Variants in CPA6 observed in about 807,000 individuals in gnomAD.
CPA6 encodes the protein carboxypeptidase A6.
A neutral mutation model predicts 63.3 loss-of-function variants in CPA6; 58 were observed. The ratio of observed to expected loss-of-function variants is 0.92; its 90% CI spans 0.74 to 1.14. The LOEUF (loss-of-function observed/expected upper bound fraction) is 1.14. Ranked by LOEUF, CPA6 falls within the 50% of genes most tolerant of loss-of-function variation. CPA6 has a pLI of 0.00. For synonymous variants in CPA6, 185 were observed against 179.0 expected (o/e 1.03, Z -0.27); for missense variants, 565 against 526.6 (o/e 1.07, Z -0.71).
intron 2 of CPA6, among the ~76,000 whole-genome samples, chr8:67,616,314 GATCACT>G (rs1480577694): frequency 6.6e-6 from 1 of 152,154 alleles, no homozygotes; most frequent in Non-Finnish European, 1.5e-5. Context: ...ATTTCAGAAA[GATCACT>G]CTGACTACAG....
At chr8:67,478,276 C>T (rs928305777) in intron 8 of CPA6, among the ~76,000 whole-genome samples, 10 of 152,146 alleles carry the variant, frequency 6.6e-5, no homozygotes, top group Non-Finnish European at 1.3e-4. Context: ...GCTTTCATGC[C>T]CTTCCCACAT....
chr8:67,528,097 T>C (rs1423919777), intron 2 of CPA6, among the ~76,000 whole-genome samples: 2 of 152,218 alleles, frequency 1.3e-5, no homozygotes, highest in African/African-American at 4.8e-5. Flanking sequence ...TTGAGCTAAG[T>C]GCTGAGGGTA....
chr8:67,566,191 T>C (rs185286737), intron 2 of CPA6, among the ~76,000 whole-genome samples: 2 of 152,352 alleles, frequency 1.3e-5, no homozygotes, highest in Middle Eastern at 3.4e-3. Context: ...TATTAGTCAT[T>C]AGTTTTCCTG....
intron 1 of CPA6, among the ~76,000 whole-genome samples, chr8:67,720,953 A>G (rs897753203): frequency 2.0e-5 from 3 of 152,204 alleles, no homozygotes; most frequent in African/African-American, 7.2e-5. Flanking sequence ...GGCACCACAT[A>G]ATACTGTTAC....
chr8:67,556,640 G>A (rs1172241126), intron 2 of CPA6, among the ~76,000 whole-genome samples: 10 of 152,132 alleles, frequency 6.6e-5, no homozygotes, highest in Non-Finnish European at 1.3e-4. Flanking sequence ...TGACACATAC[G>A]AAAGCACCCC....
rs968641612 is a variant in CPA6 at position 67,592,704 on chromosome 8, G to A, written c.192+31472C>T. Among the ~76,000 whole-genome samples, 4 of 152,250 alleles carry A rather than the reference G, an allele frequency of 2.6e-5. 1 individual carries two copies. Among genetic ancestry groups the A allele is most frequent in the African/African-American group, 9.6e-5 (4 of 41,536 alleles). On this transcript the variant is annotated intron_variant, in intron 2 of 10. Coordinates refer to ENST00000297770, the MANE Select transcript of CPA6 (RefSeq NM_020361.5). ...GTGTTTGTAGTATTCTCTGATGGTA[G>A]TTTGTATTTCAGTGGGATTGGTGAT...
intron 1 of CPA6, among the ~76,000 whole-genome samples, chr8:67,730,376 C>T (rs1161142176): frequency 6.6e-6 from 1 of 152,200 alleles, no homozygotes; most frequent in Non-Finnish European, 1.5e-5. Context: ...CCCAGAACTT[C>T]CAGACCCTCT....
At chr8:67,472,367 GATTT>G (rs945848027) in intron 8 of CPA6, among the ~76,000 whole-genome samples, 1 of 111,860 alleles carries the variant, frequency 8.9e-6, no homozygotes, top group East Asian at 2.4e-4. Context: ...ATTTGTAAAA[GATTT>G]ATTTTTTTAT....
At chr8:67,611,170 C>A (rs11782071) in intron 2 of CPA6, among the ~76,000 whole-genome samples, 36,055 of 151,792 alleles carry the variant, frequency 0.24, 5,577 homozygotes, top group Non-Finnish European at 0.35. Context: ...GCAACCTCCA[C>A]CTCCCAGGTT....
chr8:67,570,107 T>G (rs1813448900), intron 2 of CPA6: 1 of 152,410 alleles, frequency 6.6e-6, no homozygotes, highest in Non-Finnish European at 1.5e-5. Context: ...AACTTTTTTT[T>G]TTCGGTGTTT....
At chr8:67,614,015 T>C (rs1814877075) in intron 2 of CPA6, among the ~76,000 whole-genome samples, 1 of 152,054 alleles carries the variant, frequency 6.6e-6, no homozygotes, top group African/African-American at 2.4e-5. Flanking sequence ...CACCACTCAA[T>C]AAAACCTTGC....
In CPA6 at chr8:67,522,897, G is replaced by A. The variant is rs542484368; in HGVS notation, c.193-4850C>T. On this transcript the variant is annotated intron_variant, in intron 2 of 10. Coordinates refer to ENST00000297770, the MANE Select transcript of CPA6 (RefSeq NM_020361.5). Reference sequence around the variant, plus strand: ...GCTGAGTGGGTGGAGTGGGCCTGGCGGCCTGAGTGAGACCTTGGGCAGAGG... The same window carrying A: ...GCTGAGTGGGTGGAGTGGGCCTGGCAGCCTGAGTGAGACCTTGGGCAGAGG... Among the ~76,000 whole-genome samples, 66 of 152,354 alleles carry A rather than the reference G, an allele frequency of 4.3e-4. 1 individual carries two copies. The highest frequency in any genetic ancestry group is 1.5e-3 in the African/African-American group (61 of 41,584).
intron 1 of CPA6, among the ~76,000 whole-genome samples, chr8:67,634,322 C>T (rs1815419659): frequency 6.7e-6 from 1 of 150,188 alleles, no homozygotes; most frequent in East Asian, 1.9e-4. Flanking sequence ...CGCATTCTCG[C>T]ATTCTCCTGC....
chr8:67,559,327 A>G (rs987276555), intron 2 of CPA6, among the ~76,000 whole-genome samples: 1 of 152,112 alleles, frequency 6.6e-6, no homozygotes, highest in African/African-American at 2.4e-5. Flanking sequence ...ACTTCTACCA[A>G]TGAAAGCATT....
At chr8:67,676,295 G>A (rs935246381) in intron 1 of CPA6, among the ~76,000 whole-genome samples, 2 of 152,218 alleles carry the variant, frequency 1.3e-5, no homozygotes, top group Admixed American at 6.5e-5. Context: ...ATCCAACAGA[G>A]CCTGCATTTG....
chr8:67,566,785 A>C (rs907040481), intron 2 of CPA6, among the ~76,000 whole-genome samples: 5 of 152,198 alleles, frequency 3.3e-5, no homozygotes, highest in Admixed American at 6.5e-5. Flanking sequence ...AAGCACAGGG[A>C]ATGTGTAGAT....
At chr8:67,651,794 A>G (rs1940462287) in intron 1 of CPA6, among the ~76,000 whole-genome samples, 1 of 152,018 alleles carries the variant, frequency 6.6e-6, no homozygotes, top group African/African-American at 2.4e-5. Context: ...CACATTGTGC[A>G]GGTTAGTTAC....
In CPA6 at chr8:67,571,215, G is replaced by A. The variant is rs541027786; in HGVS notation, c.192+52961C>T. On this transcript the variant is annotated intron_variant, in intron 2 of 10. Coordinates refer to ENST00000297770, the MANE Select transcript of CPA6 (RefSeq NM_020361.5). ...CTAAATATATAAAGCAAATATTAAC[G>A]GATCTGAAGGGAGAGAGAGATTGCC... is the stretch of plus-strand genomic sequence containing the variant. 5.9e-5 allele frequency among the ~76,000 whole-genome samples: 9 copies of A among 152,172 alleles called. No homozygotes were observed. In the East Asian group the frequency reaches 1.2e-3, roughly 20 times the overall value.
intron 1 of CPA6, among the ~76,000 whole-genome samples, chr8:67,672,037 C>A (rs1310196744): frequency 6.6e-6 from 1 of 152,014 alleles, no homozygotes; most frequent in East Asian, 1.9e-4. Flanking sequence ...ACCATATTGG[C>A]CAGGCTGGTC....
Sources: gnomAD v4.1 joint callset for allele counts (sites outside exome capture counted in the v4.1 genomes callset) on GRCh38, gnomAD v4.1.1 for gene constraint, MANE v1.5 for transcripts, NCBI Gene and HGNC (gene_info 2026-07-23, HGNC 2026-07-21) for gene names.